The following GALNT13 variants were observed in gnomAD, a reference collection of about 807,000 sequenced individuals.
GALNT13 encodes the protein UDP-GalNAc:polypeptide N-acetylgalactosaminyltransferase 13.
A neutral mutation model predicts 64.2 loss-of-function variants in GALNT13; 28 were observed. The ratio of observed to expected loss-of-function variants is 0.44; its 90% CI spans 0.32 to 0.60. GALNT13 has a LOEUF of 0.60. GALNT13 is among the 20% of genes least tolerant of loss of function. The pLI is 0.05. For synonymous variants in GALNT13, 214 were observed against 224.6 expected, an observed-to-expected ratio of 0.95 and a Z score of 0.42; for missense variants, 577 against 669.8, an observed-to-expected ratio of 0.86 and a Z score of 1.53.
chr2:153,381,786 G>A, the GALNT13 span, among the ~76,000 whole-genome samples: 1 of 152,070 alleles, frequency 6.6e-6, no homozygotes, highest in African/African-American at 2.4e-5. Flanking sequence ...TGATTAAAGA[G>A]TCATCTAAAC....
chr2:153,156,774 C>G, the GALNT13 span, among the ~76,000 whole-genome samples: 1 of 152,172 alleles, frequency 6.6e-6, no homozygotes, highest in African/African-American at 2.4e-5. Flanking sequence ...TGATGCAGCT[C>G]TACTGCAGAA....
At chr2:154,028,172 T>A (rs1402405042) in intron 3 of GALNT13, among the ~76,000 whole-genome samples, 1 of 152,162 alleles carries the variant, frequency 6.6e-6, no homozygotes, top group Non-Finnish European at 1.5e-5. Context: ...GACACTGTCC[T>A]AAATAATATT....
intron 12 of GALNT13, among the ~76,000 whole-genome samples, chr2:154,442,365 C>T (rs1384571852): frequency 6.6e-6 from 1 of 152,064 alleles, no homozygotes; most frequent in African/African-American, 2.4e-5. Flanking sequence ...ACTTTGATTT[C>T]AAGTGTAGTT....
At chr2:154,346,600 A>G (rs764628998) in intron 9 of GALNT13, among the ~76,000 whole-genome samples, 2 of 151,970 alleles carry the variant, frequency 1.3e-5, no homozygotes, top group Non-Finnish European at 2.9e-5. Flanking sequence ...TGTAAAGTGT[A>G]CCTTTTGCCT....
the GALNT13 span, among the ~76,000 whole-genome samples, chr2:153,407,825 T>C: frequency 1.3e-5 from 2 of 152,206 alleles, no homozygotes; most frequent in Non-Finnish European, 1.5e-5. Flanking sequence ...ATCATGCTAA[T>C]AGCAGGAAGA....
At chr2:153,351,416 C>G in the GALNT13 span, among the ~76,000 whole-genome samples, 1 of 152,140 alleles carries the variant, frequency 6.6e-6, no homozygotes, top group African/African-American at 2.4e-5. Flanking sequence ...GATAAACGTT[C>G]CCAAGCAGAG....
chr2:154,175,766 T>C (rs1182163302), intron 4 of GALNT13, among the ~76,000 whole-genome samples: 1 of 152,170 alleles, frequency 6.6e-6, no homozygotes, highest in Admixed American at 6.5e-5. Context: ...GAGGTACTTC[T>C]AATAACTATC....
chr2:154,424,906 C>T (rs1409673904), intron 11 of GALNT13, among the ~76,000 whole-genome samples: 1 of 152,194 alleles, frequency 6.6e-6, no homozygotes, highest in Non-Finnish European at 1.5e-5. Flanking sequence ...TGCAGCAATA[C>T]TGACAGATGC....
the GALNT13 span, among the ~76,000 whole-genome samples, chr2:153,259,120 T>C: frequency 2.0e-5 from 3 of 152,196 alleles, no homozygotes; most frequent in Non-Finnish European, 4.4e-5. Context: ...GTTGGGAGTA[T>C]GTATATTTAA....
the GALNT13 span, among the ~76,000 whole-genome samples, chr2:153,714,136 T>C: frequency 2.0e-5 from 3 of 152,342 alleles, no homozygotes; most frequent in South Asian, 2.1e-4. Context: ...TCTTGCTAAC[T>C]TGGGACATTC....
chr2:154,117,674 A>T (rs1250030408), intron 3 of GALNT13, among the ~76,000 whole-genome samples: 1 of 152,204 alleles, frequency 6.6e-6, no homozygotes, highest in Non-Finnish European at 1.5e-5. Context: ...AGAACCCAGA[A>T]ATAAACCCAA....
the GALNT13 span, among the ~76,000 whole-genome samples, chr2:153,095,522 T>C: frequency 8.5e-5 from 13 of 152,182 alleles, no homozygotes; most frequent in African/African-American, 3.1e-4. Flanking sequence ...TTTGATCCAG[T>C]CATCCCATTA....
chr2:154,242,774 C>T lies in GALNT13; in HGVS notation c.555C>T (p.Arg185=). 6.2e-7 allele frequency: 1 copy of T among 1,613,984 alleles called. No individual in the cohort carries two copies. The highest frequency in any genetic ancestry group is 8.5e-7 in the Non-Finnish European group (1 of 1,179,854). ...TAAAAATTATTAGGATGGAAGAACG[C>T]TCTGGGTTAATACGTGCCCGTCTTC... is the stretch of plus-strand genomic sequence containing the variant. ...VPVKIIRMEE[R]SGLIRARLRG... Residue 185 remains arginine (R), a synonymous_variant, in exon 6 of 13, where the codon CGC becomes CGT. Coordinates refer to ENST00000392825, the MANE Select transcript of GALNT13 (RefSeq NM_052917.4).
chr2:154,246,067 A>G (rs1689767188), intron 7 of GALNT13, 85 bp downstream of exon 7: 2 of 844,398 alleles, frequency 2.4e-6, no homozygotes, highest in Non-Finnish European at 3.6e-6. Context: ...ATGTTTAATT[A>G]TTTAATTGTA....
At chr2:153,424,117 C>G in the GALNT13 span, among the ~76,000 whole-genome samples, 1 of 149,804 alleles carries the variant, frequency 6.7e-6, no homozygotes, top group Admixed American at 6.6e-5. Context: ...GTGGGTTCTA[C>G]CCACATATAC....
chr2:153,118,147 C>CCACACACA, the GALNT13 span, among the ~76,000 whole-genome samples: 1 of 140,168 alleles, frequency 7.1e-6, no homozygotes, highest in African/African-American at 2.7e-5. Flanking sequence ...ACACACACAC[C>CCACACACA]CCACATAAAC....
intron 3 of GALNT13, among the ~76,000 whole-genome samples, chr2:154,074,954 G>A (rs555668716): frequency 1.3e-5 from 2 of 151,922 alleles, no homozygotes; most frequent in South Asian, 2.1e-4. Flanking sequence ...ATACTGAATG[G>A]GCAAAAGCTG....
chr2:153,728,529 A>G, the GALNT13 span, among the ~76,000 whole-genome samples: 17 of 152,332 alleles, frequency 1.1e-4, no homozygotes, highest in South Asian at 3.5e-3. Flanking sequence ...CTAAATGCCC[A>G]TATCAGAAAG....
At chr2:153,121,496 GT>G in the GALNT13 span, among the ~76,000 whole-genome samples, 1 of 152,050 alleles carries the variant, frequency 6.6e-6, no homozygotes, top group African/African-American at 2.4e-5. Context: ...TGGTACAGAT[GT>G]TTTTCATCTC....
Sources: allele counts gnomAD v4.1 joint callset (sites outside exome capture counted in the v4.1 genomes callset), GRCh38; gene constraint gnomAD v4.1.1; transcripts MANE v1.5; gene names NCBI Gene and HGNC (gene_info 2026-07-23, HGNC 2026-07-21).